ACADVL: variants seen among roughly 807,000 people sequenced by gnomAD.
The protein encoded by ACADVL is acyl-CoA dehydrogenase very long chain, also known as very long-chain acyl-CoA dehydrogenase, mitochondrial.
In ACADVL, 73 loss-of-function variants were observed where a neutral mutation model predicts 80.4. The observed-to-expected ratio is 0.91, with a 90% confidence interval of 0.75 to 1.10. The LOEUF (loss-of-function observed/expected upper bound fraction) is 1.10, where lower values mean the gene tolerates loss of function less well. Ranked by LOEUF, ACADVL falls within the 50% of genes least tolerant of loss-of-function variation. ACADVL has a pLI of 0.00. For synonymous variants in ACADVL, 392 were observed against 326.5 expected (o/e 1.20, Z -2.16); for missense variants, 878 against 858.9 (o/e 1.02, Z -0.28).
intron 16 of ACADVL, 40 bp downstream of exon 16, chr17:7,224,433 T>G: frequency 6.2e-7 from 1 of 1,613,732 alleles, no homozygotes; most frequent in Non-Finnish European, 8.5e-7. Flanking sequence ...CATCAGGGAC[T>G]GCAGCCGATG....
Position 7,223,800 on chromosome 17 carries a change from T to C in ACADVL, c.1270-13T>C. On this transcript the variant is annotated splice_polypyrimidine_tract_variant and intron_variant, in intron 12 of 19. Coordinates refer to ENST00000356839, the MANE Select transcript of ACADVL (RefSeq NM_000018.4). ...AGCTCCCAAAACCAGTCTCATCTGT[T>C]CTTTGTCCCTAGGAGGCAGCCTGGA... is the stretch of plus-strand genomic sequence containing the variant. 1.2e-6 allele frequency: 2 copies of C among 1,614,108 alleles called. No homozygotes were observed. Among genetic ancestry groups the C allele is most frequent in the Non-Finnish European group, 1.7e-6 (2 of 1,179,996 alleles).
At chr17:7,219,806 C>G (rs1032863954), upstream of ACADVL, 15 of 1,524,656 alleles carry the variant, frequency 9.8e-6, no homozygotes, top group Non-Finnish European at 1.3e-5. Flanking sequence ...TCTAAGTCAG[C>G]GGAACGCAGG....
chr17:7,220,261 G>A (rs1015441317), intron 2 of ACADVL, 64 bp downstream of exon 2: 1 of 1,506,592 alleles, frequency 6.6e-7, no homozygotes, highest in Non-Finnish European at 8.9e-7. Flanking sequence ...GCCCGCCATC[G>A]GCAGGGATCT....
At chr17:7,222,988 G>C (rs538108994) in intron 10 of ACADVL, 123 bp downstream of exon 10, 2 of 1,454,086 alleles carry the variant, frequency 1.4e-6, no homozygotes, top group Non-Finnish European at 1.9e-6. Context: ...CCAGCAGCCC[G>C]ACTTGCTAGC....
chr17:7,222,399 A>C, intron 9 of ACADVL, 97 bp downstream of exon 9: 1 of 1,531,254 alleles, frequency 6.5e-7, no homozygotes, highest in Non-Finnish European at 8.8e-7. Context: ...CGTGTGCAAA[A>C]GCCAAAGCAG....
At chr17:7,218,576 G>A, upstream of ACADVL, 1 of 1,566,100 alleles carries the variant, frequency 6.4e-7, no homozygotes, top group African/African-American at 1.4e-5. Context: ...ATGCAGCACT[G>A]TGAGGAGTGG....
At chr17:7,221,179 T>C (rs1163131530) in intron 6 of ACADVL, 121 bp downstream of exon 6, 4 of 1,520,680 alleles carry the variant, frequency 2.6e-6, no homozygotes, top group Admixed American at 1.8e-5. Flanking sequence ...CCTGGGTGCC[T>C]GTGGGATGGA....
upstream of ACADVL, chr17:7,217,143 T>C: frequency 7.7e-7 from 1 of 1,298,280 alleles, no homozygotes; most frequent in Non-Finnish European, 9.8e-7. Context: ...ACAGAGACAG[T>C]CCATGTTGGG....
intron 10 of ACADVL, 74 bp downstream of exon 10, chr17:7,222,939 C>A: frequency 6.5e-7 from 1 of 1,545,266 alleles, no homozygotes; most frequent in South Asian, 1.1e-5. Context: ...TGTCCCTGAT[C>A]ACTTGCAGGC....
At position 7,223,748 on chromosome 17, in the gene ACADVL, C is replaced by G. The variant is rs1567567226; in HGVS notation, c.1269+18C>G. 5 of 1,613,976 alleles carry G rather than the reference C, an allele frequency of 3.1e-6. No homozygotes were observed. Among genetic ancestry groups the G allele is most frequent in the Non-Finnish European group, 4.2e-6 (5 of 1,180,028 alleles). On this transcript the variant is annotated intron_variant, in intron 12 of 19. Coordinates refer to ENST00000356839, the MANE Select transcript of ACADVL (RefSeq NM_000018.4). ...TTGGCTCGGTGAGGTCCCAGGCATG[C>G]TGGGAGGGAGTCCAGTTTGGGTGCT...
upstream of ACADVL, chr17:7,217,413 CG>C: frequency 2.5e-5 from 3 of 118,926 alleles, no homozygotes; most frequent in Non-Finnish European, 4.2e-5. Flanking sequence ...TCAGGAGGGG[CG>C]GGGGCACCGG....
Position 7,221,702 on chromosome 17 carries a change from G to A in ACADVL, c.622+20G>A. The A allele has an allele frequency of 6.2e-7, 1 of 1,613,440 alleles. No homozygotes were observed. Among genetic ancestry groups the A allele is most frequent in the Non-Finnish European group, 8.5e-7 (1 of 1,179,994 alleles). ...CATCTGGTGAGGCAACCCTAGGAGA[G>A]CCAGGGATTGGGGGGCACACTGGGC... On this transcript the variant is annotated intron_variant, in intron 7 of 19. Transcript: ENST00000356839.
At chr17:7,217,875 G>A (rs1039183705), upstream of ACADVL, 16 of 1,495,064 alleles carry the variant, frequency 1.1e-5, no homozygotes, top group East Asian at 2.5e-5. Context: ...GAGCACCCAC[G>A]GTTATTTGAA....
chr17:7,220,645 C>A lies in ACADVL; in HGVS notation c.246C>A (p.Leu82=). 6.2e-7 allele frequency: 1 copy of A among 1,614,208 alleles called. No homozygotes were observed. ...SFAVGMFKGQ[L]TTDQVFPYPS... ...CTGTGGGAATGTTCAAAGGCCAGCT[C>A]ACCACAGATCAGGTGTTCCCATACC... is the stretch of plus-strand genomic sequence containing the variant. Residue 82 remains leucine, a synonymous_variant, in exon 4 of 20, where the codon CTC becomes CTA. Coordinates refer to ENST00000356839, the MANE Select transcript of ACADVL (RefSeq NM_000018.4).
chr17:7,217,771 A>G, upstream of ACADVL: 2 of 1,535,366 alleles, frequency 1.3e-6, no homozygotes, highest in Non-Finnish European at 1.7e-6. Context: ...CCCTGAGGCA[A>G]ACATGGAGAC....
Position 7,220,161 on chromosome 17 carries a change from C to G in ACADVL, c.102C>G (p.Gly34=). 1 of 1,540,298 alleles carries G rather than the reference C, an allele frequency of 6.5e-7. No individual in the cohort carries two copies. Reference sequence around the variant, plus strand: ...CGCTCCTGGGGCAGCCCCGGCCCGGCCCTGCCCGGCGGCCCTATGCCGGGG... The same window carrying G: ...CGCTCCTGGGGCAGCCCCGGCCCGGGCCTGCCCGGCGGCCCTATGCCGGGG... ...LTALLGQPRP[G]PARRPYAGGA... is the part of the protein sequence containing the mutation. The change falls in exon 2 of 20, where the codon GGC becomes GGG. Residue 34 remains glycine (G), a synonymous_variant. Coordinates refer to ENST00000356839, the MANE Select transcript of ACADVL (RefSeq NM_000018.4).
In ACADVL at chr17:7,224,394, G is replaced by C. The variant is rs2142988018; in HGVS notation, c.1605+1G>C. The C allele has an allele frequency of 1.2e-6, 2 of 1,613,796 alleles. No individual in the cohort carries two copies. Among genetic ancestry groups the C allele is most frequent in the Non-Finnish European group, 1.7e-6 (2 of 1,179,876 alleles). On this transcript the variant is annotated splice_donor_variant, in intron 16 of 19. Transcript: ENST00000356839. LOFTEE classifies it high-confidence loss of function. ...GGAGTTGAGTCGGAGTGGCGAGCTG[G>C]TAAGTGGCCAGGGGTCCAGGAGAGC...
At chr17:7,217,678 G>T (rs1255781760), upstream of ACADVL, 4 of 1,482,258 alleles carry the variant, frequency 2.7e-6, no homozygotes, top group Non-Finnish European at 3.6e-6. Flanking sequence ...AGAATGGGGG[G>T]GGTGCCTTGG....
Position 7,224,393 on chromosome 17 carries a change from G to A in ACADVL, c.1605G>A (p.Leu535=), listed in dbSNP as rs773903190. The change falls in exon 16 of 20, where the codon CTG becomes CTA. Residue 535 remains leucine (L), a splice_region_variant and synonymous_variant. Transcript: ENST00000356839. ...CGGAGTTGAGTCGGAGTGGCGAGCTGGTAAGTGGCCAGGGGTCCAGGAGAG... is the reference window on the plus strand; with the variant it reads ...CGGAGTTGAGTCGGAGTGGCGAGCTAGTAAGTGGCCAGGGGTCCAGGAGAG... ...VHPELSRSGE[L]AVRALEQFAT... 6.2e-7 allele frequency: 1 copy of A among 1,613,792 alleles called. No individual in the cohort carries two copies. Among genetic ancestry groups the A allele is most frequent in the Non-Finnish European group, 8.5e-7 (1 of 1,179,882 alleles).
Sources: allele counts gnomAD v4.1 joint callset, GRCh38; gene constraint gnomAD v4.1.1; transcripts MANE v1.5; gene names NCBI Gene and HGNC (gene_info 2026-07-23, HGNC 2026-07-21).